The following ADAP1 variants were observed in gnomAD, a reference collection of about 807,000 sequenced individuals.
ADAP1 encodes the protein arf-GAP with dual PH domain-containing protein 1.
In ADAP1, 31 loss-of-function variants were observed where a neutral mutation model predicts 54.9. The observed-to-expected ratio is 0.56, with a 90% CI of 0.42 to 0.76. The LOEUF (loss-of-function observed/expected upper bound fraction) is 0.76. Ranked by LOEUF, ADAP1 falls within the 30% of genes least tolerant of loss-of-function variation. The pLI is 0.00. For missense variants in ADAP1, 535 were observed against 512.4 expected, an observed-to-expected ratio of 1.04 and a Z score of -0.42; for synonymous variants, 313 against 202.6, an observed-to-expected ratio of 1.55 and a Z score of -4.63.
At chr7:925,154 G>A (rs1318988729) in intron 3 of ADAP1, among the ~76,000 whole-genome samples, 2 of 152,022 alleles carry the variant, frequency 1.3e-5, no homozygotes, top group African/African-American at 2.4e-5. Flanking sequence ...CGGGGGCCTC[G>A]TGACCCCAAT....
At position 920,424 on chromosome 7, in the gene ADAP1, C is replaced by T. The variant is rs1438424492; in HGVS notation, c.306-374G>A. Among the ~76,000 whole-genome samples the T allele has an allele frequency of 1.3e-5, 2 of 151,720 alleles. No homozygotes were observed. Among genetic ancestry groups the T allele is most frequent in the Non-Finnish European group, 1.5e-5 (1 of 67,802 alleles). ...GGCCCCCCCACCCCGAGTCACACGC[C>T]CCTGGGCCCTCCCCGACCCTCCCCA... On this transcript the variant is annotated intron_variant, in intron 3 of 10. Transcript: ENST00000265846. The surrounding 1 kb of genome is among the most constrained non-coding windows in gnomAD (Gnocchi z 4.5).
intron 7 of ADAP1, 114 bp from the exon 8 acceptor site, chr7:900,278 G>A: frequency 7.9e-7 from 1 of 1,260,064 alleles, no homozygotes; most frequent in Non-Finnish European, 1.1e-6. Context: ...CAGGGCCCAG[G>A]CCTGGCTTAG....
chr7:918,476 G>C (rs144190532), intron 4 of ADAP1, among the ~76,000 whole-genome samples: 68 of 152,320 alleles, frequency 4.5e-4, no homozygotes, highest in African/African-American at 1.5e-3. Context: ...CAAAGTGCTA[G>C]GATTACAGGC....
chr7:903,097 A>G (rs10951020), intron 6 of ADAP1, among the ~76,000 whole-genome samples: 108,561 of 152,066 alleles, frequency 0.71, 39,564 homozygotes, highest in Middle Eastern at 0.81. Flanking sequence ...TGGGAGTCGC[A>G]GGCTCCTGGT....
chr7:909,696 C>T (rs1338695741), intron 4 of ADAP1, among the ~76,000 whole-genome samples: 1 of 152,228 alleles, frequency 6.6e-6, no homozygotes, highest in Non-Finnish European at 1.5e-5. Flanking sequence ...CACACGGCAG[C>T]GTCCTGGACA....
At chr7:953,531 C>T (rs576363775) in intron 1 of ADAP1, among the ~76,000 whole-genome samples, 7 of 152,348 alleles carry the variant, frequency 4.6e-5, no homozygotes, top group African/African-American at 9.6e-5. Context: ...AGGTTTGTTC[C>T]GAGGGGCTTA....
intron 6 of ADAP1, among the ~76,000 whole-genome samples, chr7:903,623 T>C (rs1050588084): frequency 4.0e-5 from 6 of 151,812 alleles, no homozygotes; most frequent in Non-Finnish European, 8.8e-5. Context: ...TTTACCTGGG[T>C]TCCCCCCAAG....
chr7:919,602 GAC>G (rs1846084019), intron 4 of ADAP1, among the ~76,000 whole-genome samples: 1 of 142,230 alleles, frequency 7.0e-6, no homozygotes, highest in Non-Finnish European at 1.5e-5. Flanking sequence ...GAGGAAGAGA[GAC>G]AGAGAATGAG....
chr7:952,225 G>A (rs368652611), intron 1 of ADAP1, among the ~76,000 whole-genome samples: 1 of 152,204 alleles, frequency 6.6e-6, no homozygotes, highest in South Asian at 2.1e-4. Flanking sequence ...AGCTTCTGTG[G>A]GGGCCGCAGA....
rs1844632695 is a variant in ADAP1, at chr7:898,826, C to T, written c.*95G>A. 2.0e-6 allele frequency: 3 copies of T among 1,516,582 alleles called. No individual in the cohort carries two copies. The Admixed American group carries it at 5.9e-5, about 30-fold the overall frequency. 93.9% of individuals were successfully genotyped at this position (1,516,582 alleles called of 1,614,324 possible). On this transcript the variant is annotated 3_prime_UTR_variant, in exon 11 of 11. Transcript: ENST00000265846. ...GGGCTGCCCTGAGGAGCAGGTGGGG[C>T]CAGGTGGCCTCAGGACGCCAGAGCC...
In ADAP1 at chr7:904,904, T is replaced by TCA. The variant is rs1229599016; in HGVS notation, c.501+154_501+155dup. On this transcript the variant is annotated intron_variant, in intron 5 of 10. Coordinates refer to ENST00000265846, the MANE Select transcript of ADAP1 (RefSeq NM_006869.4). ...GACGCTGGGTCCGGCACACAGAGGC[T>TCA]CAGCCCAACACAGGCCGGTTCTCCT... 5.3e-5 allele frequency among the ~76,000 whole-genome samples: 8 copies of TCA among 152,252 alleles called. No homozygotes were observed. The East Asian group carries it at 1.5e-3, about 29-fold the overall frequency.
At position 920,536 on chromosome 7, in the gene ADAP1, C is replaced by T. The variant is rs1014732342; in HGVS notation, c.306-486G>A. On this transcript the variant is annotated intron_variant, in intron 3 of 10. Coordinates refer to ENST00000265846, the MANE Select transcript of ADAP1 (RefSeq NM_006869.4). This position sits in a 1 kb window ranked among gnomAD's most constrained non-coding sequence, Gnocchi z 4.5. Reference sequence around the variant, plus strand: ...CTTGCACCCCCCGTGCCGCCCTCCACCCGCCGTGCCGCCCTCCACGTGGTT... The same window carrying T: ...CTTGCACCCCCCGTGCCGCCCTCCATCCGCCGTGCCGCCCTCCACGTGGTT... Among the ~76,000 whole-genome samples, 3 of 151,766 alleles carry T rather than the reference C, an allele frequency of 2.0e-5. No individual in the cohort carries two copies. Among genetic ancestry groups the T allele is most frequent in the Admixed American group, 6.6e-5 (1 of 15,176 alleles).
chr7:903,907 G>A (rs1219045012), intron 6 of ADAP1: 2 of 553,528 alleles, frequency 3.6e-6, no homozygotes, highest in Non-Finnish European at 6.1e-6. Flanking sequence ...CTGCCTTCCT[G>A]CACCTGTCTT....
chr7:927,212 G>A, intron 2 of ADAP1: 1 of 1,276,938 alleles, frequency 7.8e-7, no homozygotes, highest in South Asian at 1.3e-5. Flanking sequence ...TGAGGGAGAA[G>A]GAAACGGCGC....
chr7:916,763 G>C (rs1045742613), intron 4 of ADAP1, among the ~76,000 whole-genome samples: 5 of 152,152 alleles, frequency 3.3e-5, no homozygotes, highest in African/African-American at 9.7e-5. Flanking sequence ...GGTTGGGGGG[G>C]CAGGAGCTGC....
chr7:898,788 A>G lies in ADAP1; in HGVS notation c.*133T>C. ...TCCTGGAAGCTGAAGCTCGGGCCCT[A>G]CCTGGCCGCGCCGGGCTGCCCTGAG... On this transcript the variant is annotated 3_prime_UTR_variant, in exon 11 of 11. Transcript: ENST00000265846. The G allele has an allele frequency of 7.9e-7, 1 of 1,264,270 alleles. No individual in the cohort carries two copies. The highest frequency in any genetic ancestry group is 1.1e-6 in the Non-Finnish European group (1 of 905,260). The allele number at this position is 1,264,270 out of a possible 1,614,324, so 78.3% of individuals were successfully genotyped here. A position where few individuals can be genotyped will look rare whatever the true frequency, so the allele number is the denominator to read the frequency against.
At chr7:913,367 A>T (rs1266283966) in intron 4 of ADAP1, among the ~76,000 whole-genome samples, 1 of 149,470 alleles carries the variant, frequency 6.7e-6, no homozygotes, top group Non-Finnish European at 1.5e-5. Context: ...CACCCAGCTA[A>T]TTTTTTTGTA....
intron 4 of ADAP1, among the ~76,000 whole-genome samples, chr7:912,452 G>A (rs532922805): frequency 9.2e-4 from 140 of 152,160 alleles, no homozygotes; most frequent in Non-Finnish European, 1.6e-3. Flanking sequence ...GGTGCGGCGC[G>A]TCCCCACGCA....
At position 920,588 on chromosome 7, in the gene ADAP1, G is replaced by A. The variant is rs1406919010; in HGVS notation, c.306-538C>T. On this transcript the variant is annotated intron_variant, in intron 3 of 10. Transcript: ENST00000265846. This position sits in a 1 kb window ranked among gnomAD's most constrained non-coding sequence, Gnocchi z 4.5. ...TGAGACACAGGACGGAGCTATCAGG[G>A]CACCCGTCGAGGTCAGGAGGCGTCC... Among the ~76,000 whole-genome samples, 1 of 152,062 alleles carries A rather than the reference G, an allele frequency of 6.6e-6. No individual in the cohort carries two copies. Among genetic ancestry groups the A allele is most frequent in the Non-Finnish European group, 1.5e-5 (1 of 68,006 alleles).
Sources: gnomAD v4.1 joint callset for allele counts (sites outside exome capture counted in the v4.1 genomes callset) on GRCh38, gnomAD v4.1.1 for gene constraint, Gnocchi (gnomAD v3.1) non-coding constraint, MANE v1.5 for transcripts, NCBI Gene and HGNC (gene_info 2026-07-23, HGNC 2026-07-21) for gene names.